CFAP58: variants seen among roughly 807,000 people sequenced by gnomAD.
The protein encoded by CFAP58 is cilia- and flagella-associated protein 58.
A neutral mutation model predicts 119.5 loss-of-function variants in CFAP58; 88 were observed. That is an observed-to-expected ratio of 0.74 (90% CI 0.62 to 0.88). The LOEUF is 0.88. Ranked by LOEUF, CFAP58 falls within the 40% of genes least tolerant of loss-of-function variation. The probability of loss-of-function intolerance (pLI) is 0.00; values close to 1 mark genes in which losing one functional copy is unlikely to be tolerated. For synonymous variants in CFAP58, 365 were observed against 366.3 expected (o/e 1.00, Z 0.04); for missense variants, 990 against 1,021.2 (o/e 0.97, Z 0.42).
chr10:104,428,196 G>C (rs1244372993), intron 15 of CFAP58, among the ~76,000 whole-genome samples: 2 of 152,112 alleles, frequency 1.3e-5, no homozygotes, highest in Non-Finnish European at 1.5e-5. Flanking sequence ...GGAGGGAGTA[G>C]GTCATCACTG....
At chr10:104,396,321 T>C (rs2012152553) in intron 11 of CFAP58, among the ~76,000 whole-genome samples, 1 of 149,432 alleles carries the variant, frequency 6.7e-6, no homozygotes, top group Non-Finnish European at 1.5e-5. Flanking sequence ...CCATATTCTT[T>C]TACTCAGTGG....
chr10:104,346,094 G>A, the CFAP58 span, among the ~76,000 whole-genome samples: 15 of 152,088 alleles, frequency 9.9e-5, no homozygotes, highest in Admixed American at 2.6e-4. Flanking sequence ...GGTGGAAGGC[G>A]AAGTGTGAGC....
chr10:104,433,697 G>A (rs78020098), intron 15 of CFAP58, among the ~76,000 whole-genome samples: 3 of 152,290 alleles, frequency 2.0e-5, no homozygotes, highest in South Asian at 2.1e-4. Flanking sequence ...CACAAAGTTC[G>A]AATTACTTGG....
intron 12 of CFAP58, among the ~76,000 whole-genome samples, chr10:104,399,811 A>G (rs1413035039): frequency 6.6e-6 from 1 of 152,146 alleles, no homozygotes; most frequent in Non-Finnish European, 1.5e-5. Flanking sequence ...ATTAATAATT[A>G]CATGATTTGA....
intron 15 of CFAP58, among the ~76,000 whole-genome samples, chr10:104,408,794 T>C (rs1350556024): frequency 6.6e-6 from 1 of 152,150 alleles, no homozygotes; most frequent in Non-Finnish European, 1.5e-5. Context: ...AGTTATAAAA[T>C]GTCTTTTAAA....
chr10:104,358,997 C>G (rs1308366378), intron 2 of CFAP58, among the ~76,000 whole-genome samples: 1 of 152,112 alleles, frequency 6.6e-6, no homozygotes, highest in Non-Finnish European at 1.5e-5. Flanking sequence ...TGCTTTTTCT[C>G]CTGTTTTAGT....
At chr10:104,390,330 G>A (rs922270284) in intron 9 of CFAP58, among the ~76,000 whole-genome samples, 21 of 152,064 alleles carry the variant, frequency 1.4e-4, no homozygotes, top group Non-Finnish European at 2.9e-4. Flanking sequence ...ATTTCTACAA[G>A]GTATTATTTG....
intron 15 of CFAP58, among the ~76,000 whole-genome samples, chr10:104,438,377 T>TGAGACGGAG (rs2012977884): frequency 1.0e-5 from 1 of 99,280 alleles, no homozygotes; most frequent in African/African-American, 4.7e-5. Context: ...TTTTTTTGTT[T>TGAGACGGAG]TTTTTTTTTG....
At chr10:104,396,708 G>A (rs773675995) in intron 11 of CFAP58, among the ~76,000 whole-genome samples, 15 of 152,228 alleles carry the variant, frequency 9.9e-5, no homozygotes, top group African/African-American at 2.6e-4. Context: ...GCTGTGTCCC[G>A]CCATCTCATT....
chr10:104,368,611 G>A, intron 6 of CFAP58, 51 bp downstream of exon 6: 1 of 1,602,072 alleles, frequency 6.2e-7, no homozygotes, highest in Middle Eastern at 1.7e-4. Context: ...CCTAACACAG[G>A]TTTGCCTTGG....
intron 15 of CFAP58, among the ~76,000 whole-genome samples, chr10:104,431,572 T>G (rs1306769345): frequency 6.6e-6 from 1 of 152,182 alleles, no homozygotes; most frequent in African/African-American, 2.4e-5. Context: ...CCAGTCTCTA[T>G]TCACCCAAAA....
chr10:104,368,536 C>T lies in CFAP58; in HGVS notation c.906C>T (p.Asn302=). 2 of 1,613,930 alleles carry T rather than the reference C, an allele frequency of 1.2e-6. No individual in the cohort carries two copies. Among genetic ancestry groups the T allele is most frequent in the Non-Finnish European group, 1.7e-6 (2 of 1,179,866 alleles). ...TCTGTGAGCAGCTATCCCAGGAAAA[C>T]CAACAGAAGGCGTTGGAGCTCAAAG... is the stretch of plus-strand genomic sequence containing the variant. ...SLVCEQLSQE[N]QQKALELKAK... The change falls in exon 6 of 18, where the codon AAC becomes AAT. Residue 302 remains asparagine (N), a synonymous_variant. Coordinates refer to ENST00000369704, the MANE Select transcript of CFAP58 (RefSeq NM_001008723.2).
intron 15 of CFAP58, among the ~76,000 whole-genome samples, chr10:104,408,596 T>G (rs1589925627): frequency 6.6e-6 from 1 of 152,188 alleles, no homozygotes; most frequent in Non-Finnish European, 1.5e-5. Flanking sequence ...CTTTGTTAGT[T>G]TTAAAAAGAA....
chr10:104,370,777 G>A (rs2014811707), intron 6 of CFAP58, 118 bp from the exon 7 acceptor site: 1 of 921,176 alleles, frequency 1.1e-6, no homozygotes, highest in Non-Finnish European at 1.6e-6. Context: ...TAATCTCACA[G>A]AACAACTTTA....
intron 15 of CFAP58, among the ~76,000 whole-genome samples, chr10:104,414,689 A>G (rs941342800): frequency 2.6e-5 from 4 of 152,022 alleles, no homozygotes; most frequent in African/African-American, 9.7e-5. Context: ...TATTTTTTTG[A>G]GACGGATTCT....
At chr10:104,398,011 A>G (rs761476273) in intron 11 of CFAP58, among the ~76,000 whole-genome samples, 7 of 152,224 alleles carry the variant, frequency 4.6e-5, no homozygotes, top group Non-Finnish European at 8.8e-5. Flanking sequence ...TGGTGAACAC[A>G]CCAGGTACTT....
At chr10:104,449,257 G>A (rs573590460) in intron 16 of CFAP58, among the ~76,000 whole-genome samples, 24 of 151,512 alleles carry the variant, frequency 1.6e-4, no homozygotes, top group Admixed American at 7.9e-4. Context: ...AAAGAGTTCA[G>A]AAGCAGATGA....
chr10:104,383,166 G>A (rs758997644), intron 9 of CFAP58, among the ~76,000 whole-genome samples: 3 of 152,088 alleles, frequency 2.0e-5, no homozygotes, highest in Non-Finnish European at 4.4e-5. Flanking sequence ...TTCACCCTTC[G>A]AGACCTAACT....
At chr10:104,359,497 T>C (rs189568824) in intron 2 of CFAP58, among the ~76,000 whole-genome samples, 1 of 152,304 alleles carries the variant, frequency 6.6e-6, no homozygotes, top group Admixed American at 6.5e-5. Flanking sequence ...ACATTTTTCA[T>C]TGTAAATTTA....
Sources: allele counts gnomAD v4.1 joint callset (sites outside exome capture counted in the v4.1 genomes callset), GRCh38; gene constraint gnomAD v4.1.1; transcripts MANE v1.5; gene names NCBI Gene and HGNC (gene_info 2026-07-23, HGNC 2026-07-21).